The following DEFB129 variants were observed in gnomAD, a reference collection of about 807,000 sequenced individuals.
DEFB129 encodes beta-defensin 129.
Under a neutral mutation model 2.5 loss-of-function variants are expected in DEFB129, and 2 were observed. That is an observed-to-expected ratio of 0.80 (90% confidence interval 0.33 to 2.53). DEFB129 has a LOEUF of 2.53. Among genes scored for constraint, DEFB129 ranks in the 30% most tolerant of loss-of-function variants. DEFB129 has a pLI of 0.11. For missense variants in DEFB129, 177 were observed against 216.9 expected, an observed-to-expected ratio of 0.82 and a Z score of 1.16; for synonymous variants, 76 against 74.4, an observed-to-expected ratio of 1.02 and a Z score of -0.11.
Position 229,807 on chromosome 20 carries a change from T to C in DEFB129, c.*36T>C, listed in dbSNP as rs759693064. The stretch of plus-strand genomic sequence containing the variant: ...TCCCTTAAAACTCCAAGTTCCTCTC[T>C]ATTTTTGCTATCTATAAAATGACAT... On this transcript the variant is annotated 3_prime_UTR_variant, in exon 2 of 2. Transcript: ENST00000246105. The C allele has an allele frequency of 6.4e-7, 1 of 1,572,590 alleles. No homozygotes were observed. Among genetic ancestry groups the C allele is most frequent in the South Asian group, 1.2e-5 (1 of 85,190 alleles).
rs1040924762 is a variant in DEFB129 at position 229,510 on chromosome 20, T to C, written c.291T>C (p.His97=). Residue 97 remains histidine (H), a synonymous_variant, in exon 2 of 2, where the codon CAT becomes CAC. Coordinates refer to ENST00000246105, the MANE Select transcript of DEFB129 (RefSeq NM_080831.4). ...KNSSAVIQRK[H]ILSVLPQIKS... ...CTAGTGCTGTGATACAAAGAAAACATATTTTATCTGTTCTCCCCCAAATCA... is the reference window on the plus strand; with the variant it reads ...CTAGTGCTGTGATACAAAGAAAACACATTTTATCTGTTCTCCCCCAAATCA... The C allele has an allele frequency of 4.2e-5, 67 of 1,613,922 alleles. No individual in the cohort carries two copies. The Middle Eastern group carries it at 8.2e-4, about 20-fold the overall frequency.
At position 229,701 on chromosome 20, in the gene DEFB129, C is replaced by A; in HGVS notation, c.482C>A (p.Pro161Gln). 1 of 1,613,830 alleles carries A rather than the reference C, an allele frequency of 6.2e-7. No homozygotes were observed. Among genetic ancestry groups the A allele is most frequent in the Non-Finnish European group, 8.5e-7 (1 of 1,180,026 alleles). The change falls in exon 2 of 2, where the codon CCA (proline) becomes CAA (glutamine). Residue 161 changes from proline (P) to glutamine (Q), a missense_variant. Coordinates refer to ENST00000246105, the MANE Select transcript of DEFB129 (RefSeq NM_080831.4). ...AGAGATTCTGCCACTGCCTCGCCAC[C>A]ACCAGCACCACCTCCACCAAACATA... ...ESRDSATASP[P>Q]PAPPPPNILP...
At position 229,387 on chromosome 20, in the gene DEFB129, A is replaced by G. The variant is rs552101784; in HGVS notation, c.168A>G (p.Gly56=). The change falls in exon 2 of 2, where the codon GGA becomes GGG. Residue 56 remains glycine (G), a synonymous_variant. Transcript: ENST00000246105. ...QKCKMKKCCV[G]PKVVKLIKNY... ...GCAAGATGAAAAAATGTTGTGTTGG[A>G]CCAAAAGTGGTTAAATTGATTAAAA... 2 of 1,614,194 alleles carry G rather than the reference A, an allele frequency of 1.2e-6. No individual in the cohort carries two copies. The highest frequency in any genetic ancestry group is 2.2e-5 in the South Asian group (2 of 91,078).
In DEFB129 at chr20:227,282, C is replaced by T. The variant is rs112090903; in HGVS notation, c.-7C>T. 5,995 of 1,614,042 alleles carry T rather than the reference C, an allele frequency of 3.7e-3. 202 individuals are homozygous for T. In the African/African-American group the frequency reaches 0.071, roughly 19 times the overall value. Reference sequence around the variant, plus strand: ...CAGATTCAAGGCTTCCTCTCTGGCACCCAACCATGAAGCTCCTTTTTCCTA... The same window carrying T: ...CAGATTCAAGGCTTCCTCTCTGGCATCCAACCATGAAGCTCCTTTTTCCTA... On this transcript the variant is annotated 5_prime_UTR_variant, in exon 1 of 2. Transcript: ENST00000246105.
In DEFB129 at chr20:229,694, T is replaced by A. The variant is rs1275567131; in HGVS notation, c.475T>A (p.Ser159Thr). 6.2e-7 allele frequency: 1 copy of A among 1,613,908 alleles called. No individual in the cohort carries two copies. Among genetic ancestry groups the A allele is most frequent in the Non-Finnish European group, 8.5e-7 (1 of 1,180,002 alleles). The stretch of plus-strand genomic sequence containing the variant: ...AGAAAGCAGAGATTCTGCCACTGCC[T>A]CGCCACCACCAGCACCACCTCCACC... ...TKESRDSATA[S>T]PPPAPPPPNI... The change falls in exon 2 of 2, where the codon TCG becomes ACG. Residue 159 changes from serine to threonine, a missense_variant. By Grantham distance (58) the Ser-to-Thr change is moderately conservative. Transcript: ENST00000246105.
intron 1 of DEFB129, among the ~76,000 whole-genome samples, chr20:228,434 C>T (rs1377586062): frequency 2.0e-5 from 3 of 152,136 alleles, no homozygotes; most frequent in Non-Finnish European, 4.4e-5. Flanking sequence ...AAGAATTTTT[C>T]TGTTTCCCGT....
Position 229,265 on chromosome 20 carries a change from T to TGTC in DEFB129, c.59-13_59-12insGTC. 1 of 1,553,120 alleles carries TGTC rather than the reference T, an allele frequency of 6.4e-7. No homozygotes were observed. On this transcript the variant is annotated splice_polypyrimidine_tract_variant and intron_variant, in intron 1 of 1. Transcript: ENST00000246105. ...TTAACCTTGGCTCAATGGCTTTCTC[T>TGTC]TTTTTTATACAGAATTTATTGGCTT...
At chr20:227,709 A>G (rs1266901171) in intron 1 of DEFB129, among the ~76,000 whole-genome samples, 1 of 151,522 alleles carries the variant, frequency 6.6e-6, no homozygotes, top group East Asian at 1.9e-4. Flanking sequence ...TTTTTAAAAA[A>G]AGTCCTGGGG....
intron 1 of DEFB129, among the ~76,000 whole-genome samples, chr20:227,823 G>T (rs1291614329): frequency 6.6e-6 from 1 of 152,100 alleles, no homozygotes; most frequent in African/African-American, 2.4e-5. Flanking sequence ...GGATGCATTA[G>T]CTATTTTTCC....
Position 227,703 on chromosome 20 carries a change from T to TA in DEFB129, c.58+364dup, listed in dbSNP as rs368703341. On this transcript the variant is annotated intron_variant, in intron 1 of 1. Coordinates refer to ENST00000246105, the MANE Select transcript of DEFB129 (RefSeq NM_080831.4). ...TTCTATCTTAAAAGCCCTTTTTTTTTAAAAAAAGTCCTGGGGTACTTGTGC... is the reference window on the plus strand; with the variant it reads ...TTCTATCTTAAAAGCCCTTTTTTTTTAAAAAAAAGTCCTGGGGTACTTGTGC... Among the ~76,000 whole-genome samples the TA allele has an allele frequency of 8.3e-3, 1,262 of 151,720 alleles. 25 individuals are homozygous for TA. Among genetic ancestry groups the TA allele is most frequent in the African/African-American group, 0.026 (1,087 of 41,272 alleles).
At chr20:228,772 C>A (rs935336438) in intron 1 of DEFB129, among the ~76,000 whole-genome samples, 6 of 152,120 alleles carry the variant, frequency 3.9e-5, no homozygotes, top group African/African-American at 1.2e-4. Context: ...GATAGAACAC[C>A]ATGCTTCAGG....
chr20:229,348 A>G lies in DEFB129; in HGVS notation c.129A>G (p.Lys43=). The G allele has an allele frequency of 6.2e-7, 1 of 1,614,086 alleles. No individual in the cohort carries two copies. Among genetic ancestry groups the G allele is most frequent in the Non-Finnish European group, 8.5e-7 (1 of 1,180,014 alleles). ...RCRDHCNVDE[K]EIQKCKMKKC... ...GGGATCACTGCAATGTGGATGAAAA[A>G]GAGATACAGAAATGCAAGATGAAAA... The change falls in exon 2 of 2, where the codon AAA becomes AAG. Residue 43 remains lysine (K), a synonymous_variant. Coordinates refer to ENST00000246105, the MANE Select transcript of DEFB129 (RefSeq NM_080831.4).
Position 229,625 on chromosome 20 carries a change from G to A in DEFB129, c.406G>A (p.Gly136Arg). 6.2e-7 allele frequency: 1 copy of A among 1,614,042 alleles called. No homozygotes were observed. The highest frequency in any genetic ancestry group is 1.1e-5 in the South Asian group (1 of 91,062). ...TGCCACCATCAGCACTATGACCCCA[G>A]GACAGATCACATACACTGCTACTTC... ...NSATISTMTP[G>R]QITYTATSTK... The change falls in exon 2 of 2, where the codon GGA (glycine) becomes AGA (arginine). Residue 136 changes from glycine (G) to arginine (R), a missense_variant. Transcript: ENST00000246105.
Position 227,339 on chromosome 20 carries a change from G to A in DEFB129, c.51G>A (p.Val17=), listed in dbSNP as rs750058902. 6.2e-7 allele frequency: 1 copy of A among 1,614,098 alleles called. No homozygotes were observed. The highest frequency in any genetic ancestry group is 1.3e-5 in the African/African-American group (1 of 75,044). The part of the protein sequence containing the change: ...IFASLMLQYQ[V]NTEFIGLRRC... ...CCAGCCTCATGCTACAGTACCAGGT[G>A]AACACAGGTAATGTGGATTCCCAAG... The change falls in exon 1 of 2, where the codon GTG becomes GTA. Residue 17 remains valine (V), a synonymous_variant. Coordinates refer to ENST00000246105, the MANE Select transcript of DEFB129 (RefSeq NM_080831.4).
intron 1 of DEFB129, 142 bp downstream of exon 1, chr20:227,488 T>TG: frequency 6.4e-6 from 6 of 937,542 alleles, no homozygotes; most frequent in Non-Finnish European, 1.0e-5. Context: ...ATTGTATCAG[T>TG]CATGCACTGA....
chr20:227,694 C>CA (rs1555766363), intron 1 of DEFB129, among the ~76,000 whole-genome samples: 3 of 143,446 alleles, frequency 2.1e-5, no homozygotes, highest in Non-Finnish European at 4.4e-5. Context: ...CTTAAAAGCC[C>CA]TTTTTTTTTA....
At chr20:228,146 T>G (rs961632481) in intron 1 of DEFB129, among the ~76,000 whole-genome samples, 1 of 152,220 alleles carries the variant, frequency 6.6e-6, no homozygotes, top group African/African-American at 2.4e-5. Context: ...ACCATTGTTT[T>G]TGGAAAAGAA....
At position 227,452 on chromosome 20, in the gene DEFB129, C is replaced by T. The variant is rs2011293872; in HGVS notation, c.58+106C>T. ...AGAGGAGACTGAAAGATTAGCTGTT[C>T]AAAAAGATGGCTAAAGAGCTTACCT... On this transcript the variant is annotated intron_variant, in intron 1 of 1. Transcript: ENST00000246105. 5.3e-6 allele frequency: 7 copies of T among 1,332,282 alleles called. No individual in the cohort carries two copies. In the South Asian group the frequency reaches 7.1e-5, roughly 13 times the overall value. 82.5% of individuals were successfully genotyped at this position (1,332,282 alleles called of 1,614,324 possible). A position where few individuals can be genotyped will look rare whatever the true frequency, so the allele number is the denominator to read the frequency against.
In DEFB129 at chr20:229,731, C is replaced by A. The variant is rs769452572; in HGVS notation, c.512C>A (p.Pro171Gln). 6.2e-7 allele frequency: 1 copy of A among 1,612,974 alleles called. No homozygotes were observed. The highest frequency in any genetic ancestry group is 8.5e-7 in the Non-Finnish European group (1 of 1,180,014). Residue 171 changes from proline to glutamine, a missense_variant, in exon 2 of 2, where the codon CCA becomes CAA. Physicochemically the swap from Pro to Gln is moderately conservative, Grantham distance 76. Transcript: ENST00000246105. ...PPAPPPPNILPTPSLELEEAE... is the reference protein window; with the variant it reads ...PPAPPPPNILQTPSLELEEAE... ...GCACCACCTCCACCAAACATACTGC[C>A]AACACCATCACTGGAGCTAGAGGAA...
Sources: gnomAD v4.1 joint callset for allele counts (sites outside exome capture counted in the v4.1 genomes callset) on GRCh38, gnomAD v4.1.1 for gene constraint, MANE v1.5 for transcripts, NCBI Gene and HGNC (gene_info 2026-07-23, HGNC 2026-07-21) for gene names.